ESRRG: variants seen among roughly 807,000 people sequenced by gnomAD.
The protein encoded by ESRRG is estrogen related receptor gamma.
A neutral mutation model predicts 44.0 loss-of-function variants in ESRRG; 13 were observed. The observed-to-expected ratio is 0.30, with a 90% CI of 0.19 to 0.47. ESRRG has a LOEUF of 0.47. ESRRG is among the 20% of genes least tolerant of loss of function. ESRRG has a pLI of 1.00. For synonymous variants in ESRRG, 215 were observed against 214.6 expected (o/e 1.00, Z -0.02); for missense variants, 395 against 580.6 (o/e 0.68, Z 3.29).
At chr1:216,934,022 A>G (rs2063736017) in intron 2 of ESRRG, among the ~76,000 whole-genome samples, 1 of 152,198 alleles carries the variant, frequency 6.6e-6, no homozygotes, top group South Asian at 2.1e-4. Flanking sequence ...TTAGCAGCTC[A>G]GTATGCGTAT....
At chr1:216,976,353 T>A (rs2072897649) in intron 1 of ESRRG, among the ~76,000 whole-genome samples, 3 of 149,936 alleles carry the variant, frequency 2.0e-5, no homozygotes, top group Non-Finnish European at 4.5e-5. Context: ...TCTTCCCTCA[T>A]CCACTCCAAC....
chr1:216,650,718 A>G (rs2068731147), intron 3 of ESRRG, among the ~76,000 whole-genome samples: 1 of 152,042 alleles, frequency 6.6e-6, no homozygotes, highest in Admixed American at 6.6e-5. Flanking sequence ...TAAAGAAGAT[A>G]AAAGCACTAC....
chr1:217,088,773 G>C (rs1388279762), intron 1 of ESRRG, among the ~76,000 whole-genome samples: 1 of 152,064 alleles, frequency 6.6e-6, no homozygotes, highest in Non-Finnish European at 1.5e-5. Context: ...AGAAAGGGAG[G>C]AGGGGAGCTT....
At chr1:216,919,703 G>C (rs977677264) in intron 2 of ESRRG, among the ~76,000 whole-genome samples, 1 of 152,088 alleles carries the variant, frequency 6.6e-6, no homozygotes, top group Non-Finnish European at 1.5e-5. Context: ...TTGCATGGAG[G>C]AGAAATATCA....
intron 1 of ESRRG, among the ~76,000 whole-genome samples, chr1:217,044,258 C>CT (rs2084437045): frequency 6.6e-6 from 1 of 152,148 alleles, no homozygotes; most frequent in African/African-American, 2.4e-5. Context: ...AGATTGGCCT[C>CT]TGTGACTAGC....
In ESRRG at chr1:216,669,833, C is replaced by T. The variant is rs145998704; in HGVS notation, c.472+7243G>A. ...CCCAGGAGGTGGACATTGCATTGAG[C>T]CAAGATGGCACCACTGCACTTTAGC... On this transcript the variant is annotated intron_variant, in intron 2 of 6. Transcript: ENST00000408911. Among the ~76,000 whole-genome samples, 31 of 152,092 alleles carry T rather than the reference C, an allele frequency of 2.0e-4. No homozygotes were observed. In the East Asian group the frequency reaches 6.0e-3, roughly 29 times the overall value.
chr1:216,560,659 T>A (rs17042848), intron 5 of ESRRG, among the ~76,000 whole-genome samples: 28,221 of 152,052 alleles, frequency 0.19, 2,853 homozygotes, highest in African/African-American at 0.24. Context: ...GAAACCTAGC[T>A]CTAATATTTG....
chr1:216,971,575 G>A (rs557622158), intron 1 of ESRRG, among the ~76,000 whole-genome samples: 11 of 152,220 alleles, frequency 7.2e-5, no homozygotes, highest in Non-Finnish European at 1.2e-4. Flanking sequence ...AGAGAAAAAT[G>A]TCTCTGTGAT....
At chr1:216,604,331 G>A (rs1406166468) in intron 3 of ESRRG, among the ~76,000 whole-genome samples, 2 of 152,176 alleles carry the variant, frequency 1.3e-5, no homozygotes, top group East Asian at 1.9e-4. Flanking sequence ...TATCAGAGGA[G>A]TCAAAGCCAG....
intron 1 of ESRRG, among the ~76,000 whole-genome samples, chr1:216,972,646 T>C (rs1360864870): frequency 6.6e-6 from 1 of 152,198 alleles, no homozygotes; most frequent in Non-Finnish European, 1.5e-5. Flanking sequence ...GGATTATCTT[T>C]ATGACATCAA....
chr1:216,729,047 A>G (rs1277550661), intron 2 of ESRRG, among the ~76,000 whole-genome samples: 1 of 152,158 alleles, frequency 6.6e-6, no homozygotes, highest in East Asian at 1.9e-4. Flanking sequence ...TCAGATTCCA[A>G]TTATGAGGGA....
intron 1 of ESRRG, among the ~76,000 whole-genome samples, chr1:217,057,538 CT>C (rs1330858543): frequency 6.6e-6 from 1 of 151,564 alleles, no homozygotes; most frequent in African/African-American, 2.4e-5. Flanking sequence ...ATTAGAAAAG[CT>C]CATAAATAGG....
At chr1:217,046,873 G>C (rs1322542187) in intron 1 of ESRRG, among the ~76,000 whole-genome samples, 1 of 149,752 alleles carries the variant, frequency 6.7e-6, no homozygotes, top group Non-Finnish European at 1.5e-5. Context: ...ACAGTGGTGA[G>C]ATCCTGTCTC....
At chr1:216,821,070 T>C (rs2032028) in intron 2 of ESRRG, among the ~76,000 whole-genome samples, 114,844 of 152,124 alleles carry the variant, frequency 0.75, 43,613 homozygotes, top group African/African-American at 0.83. Flanking sequence ...TGTGTTAATG[T>C]ATTTAAAAAA....
chr1:216,539,009 T>C (rs1386947089), intron 5 of ESRRG, among the ~76,000 whole-genome samples: 2 of 152,072 alleles, frequency 1.3e-5, no homozygotes, highest in Non-Finnish European at 2.9e-5. Context: ...TAAACATTTG[T>C]TGTCATGATA....
At chr1:216,817,170 T>C (rs545232531) in intron 2 of ESRRG, among the ~76,000 whole-genome samples, 215 of 152,194 alleles carry the variant, frequency 1.4e-3, no homozygotes, top group African/African-American at 5.0e-3. Context: ...TGTCTGGAAG[T>C]TGTGAAAAGA....
intron 1 of ESRRG, among the ~76,000 whole-genome samples, chr1:217,003,001 C>T (rs2077242280): frequency 6.6e-6 from 1 of 152,152 alleles, no homozygotes; most frequent in African/African-American, 2.4e-5. Context: ...TACTCAAGCG[C>T]AGATAACTGT....
chr1:216,945,836 C>T (rs145827674), intron 1 of ESRRG, among the ~76,000 whole-genome samples: 2 of 152,278 alleles, frequency 1.3e-5, no homozygotes, highest in South Asian at 2.1e-4. Context: ...GGGCTTTGTA[C>T]TTAGGACATT....
Position 216,877,377 on chromosome 1 carries a change from G to GTGTT in ESRRG, c.-14+62201_-14+62204dup, listed in dbSNP as rs2096371806. On this transcript the variant is annotated intron_variant, in intron 2 of 7. Coordinates refer to the ESRRG transcript ENST00000359162. Reference sequence around the variant, plus strand: ...TATGCAATGCTTTTTTATAGGTATGGTGTTTTTTTTTGTTTGTTTGTTTGT... The same window carrying GTGTT: ...TATGCAATGCTTTTTTATAGGTATGGTGTTTGTTTTTTTTTGTTTGTTTGTTTGT... Among the ~76,000 whole-genome samples, 3 of 79,380 alleles carry GTGTT rather than the reference G, an allele frequency of 3.8e-5. No individual in the cohort carries two copies. The South Asian group carries it at 9.4e-4, about 25-fold the overall frequency. 52.1% of individuals were successfully genotyped at this position (79,380 alleles called of 152,430 possible).
Sources: allele counts gnomAD v4.1 joint callset (sites outside exome capture counted in the v4.1 genomes callset), GRCh38; gene constraint gnomAD v4.1.1; transcripts MANE v1.5; gene names NCBI Gene and HGNC (gene_info 2026-07-23, HGNC 2026-07-21).